The following ADGRL4 variants were observed in gnomAD, a reference collection of about 807,000 sequenced individuals.
ADGRL4 encodes adhesion G protein-coupled receptor L4.
A neutral mutation model predicts 74.8 loss-of-function variants in ADGRL4; 90 were observed. The ratio of observed to expected loss-of-function variants is 1.20; its 90% CI spans 1.02 to 1.43. The LOEUF is 1.43. Ranked by LOEUF, ADGRL4 falls within the 40% of genes most tolerant of loss-of-function variation. The pLI is 0.00. For missense variants in ADGRL4, 881 were observed against 814.3 expected, an observed-to-expected ratio of 1.08 and a Z score of -1.00; for synonymous variants, 311 against 279.2, an observed-to-expected ratio of 1.11 and a Z score of -1.14.
intron 8 of ADGRL4, among the ~76,000 whole-genome samples, chr1:78,926,145 T>C (rs1477104548): frequency 6.6e-6 from 1 of 152,086 alleles, no homozygotes; most frequent in African/African-American, 2.4e-5. Flanking sequence ...TTTCCTCCCA[T>C]AATAATGCAA....
chr1:78,890,949 T>A lies in ADGRL4; in HGVS notation c.*205A>T. 1 of 567,090 alleles carries A rather than the reference T, an allele frequency of 1.8e-6. No homozygotes were observed. Among genetic ancestry groups the A allele is most frequent in the Non-Finnish European group, 3.2e-6 (1 of 315,028 alleles). The allele number at this position is 567,090 out of a possible 1,614,324, so 35.1% of individuals were successfully genotyped here. On this transcript the variant is annotated 3_prime_UTR_variant, in exon 15 of 15. Coordinates refer to ENST00000370742, the MANE Select transcript of ADGRL4 (RefSeq NM_022159.4). ...CTATTTTTGACAGAACTATTTCACA[T>A]AGAAAAACATAGTATATCTATATGA...
chr1:78,908,771 C>A (rs1446796346), intron 12 of ADGRL4, among the ~76,000 whole-genome samples: 1 of 151,912 alleles, frequency 6.6e-6, no homozygotes, highest in Non-Finnish European at 1.5e-5. Flanking sequence ...TTATTTCCAA[C>A]TGGGCTTTAG....
chr1:79,002,999 T>G (rs1650875089), intron 2 of ADGRL4, among the ~76,000 whole-genome samples: 1 of 152,030 alleles, frequency 6.6e-6, no homozygotes, highest in Non-Finnish European at 1.5e-5. Context: ...AGAGACAAAT[T>G]TTATGATAAT....
chr1:78,998,446 T>C (rs368136991), intron 2 of ADGRL4, among the ~76,000 whole-genome samples: 14 of 140,108 alleles, frequency 1.0e-4, no homozygotes, highest in African/African-American at 3.5e-4. Flanking sequence ...CTCGGCTCAC[T>C]GCAACCTCTG....
At chr1:79,001,877 C>T (rs1650851421) in intron 2 of ADGRL4, among the ~76,000 whole-genome samples, 1 of 151,916 alleles carries the variant, frequency 6.6e-6, no homozygotes, top group Non-Finnish European at 1.5e-5. Flanking sequence ...GAGGAAAAAG[C>T]TTGGTCTCTT....
chr1:78,955,880 A>G (rs970100564), intron 2 of ADGRL4, among the ~76,000 whole-genome samples: 1 of 152,122 alleles, frequency 6.6e-6, no homozygotes, highest in Non-Finnish European at 1.5e-5. Flanking sequence ...AGTGCAATAA[A>G]ATATTTTGGA....
chr1:78,973,489 C>T (rs909278682), intron 2 of ADGRL4, among the ~76,000 whole-genome samples: 13 of 151,314 alleles, frequency 8.6e-5, no homozygotes, highest in African/African-American at 2.4e-5. Context: ...AAGTATGATA[C>T]ATTAAAAATA....
chr1:79,001,190 G>GAA lies in ADGRL4; in HGVS notation c.172+3879_172+3880insTT, dbSNP rs1191584745. On this transcript the variant is annotated intron_variant, in intron 2 of 14. Coordinates refer to ENST00000370742, the MANE Select transcript of ADGRL4 (RefSeq NM_022159.4). Reference sequence around the variant, plus strand: ...AGGAAGGGAGAGGGGGGGGAGGGAGGGAGGAAGGAAGGAAGGAAGGGAGGA... The same window carrying GAA: ...AGGAAGGGAGAGGGGGGGGAGGGAGGAAGAGGAAGGAAGGAAGGAAGGGAGGA... 1.7e-4 allele frequency among the ~76,000 whole-genome samples: 17 copies of GAA among 101,104 alleles called. 1 individual carries two copies. The highest frequency in any genetic ancestry group is 6.1e-4 in the African/African-American group (17 of 27,816). The allele number at this position is 101,104 out of a possible 152,430, so 66.3% of individuals were successfully genotyped here.
At chr1:78,994,866 A>C (rs1650682202) in intron 2 of ADGRL4, among the ~76,000 whole-genome samples, 1 of 152,188 alleles carries the variant, frequency 6.6e-6, no homozygotes, top group African/African-American at 2.4e-5. Flanking sequence ...GAATGAATAA[A>C]TGTAGCTTTT....
chr1:78,952,709 G>A (rs1649755024), intron 2 of ADGRL4, among the ~76,000 whole-genome samples: 1 of 152,142 alleles, frequency 6.6e-6, no homozygotes, highest in South Asian at 2.1e-4. Context: ...TCAAATGAAA[G>A]TGTTACAATT....
chr1:78,905,459 T>C (rs1048796060), intron 12 of ADGRL4, among the ~76,000 whole-genome samples: 7 of 152,030 alleles, frequency 4.6e-5, no homozygotes, highest in African/African-American at 1.7e-4. Flanking sequence ...ACAGCTGGGA[T>C]TAGTAAACAT....
At chr1:78,972,217 T>C (rs1361540766) in intron 2 of ADGRL4, among the ~76,000 whole-genome samples, 4 of 152,212 alleles carry the variant, frequency 2.6e-5, no homozygotes, top group Non-Finnish European at 4.4e-5. Flanking sequence ...TCTCTATTCA[T>C]GTAAAACCTG....
chr1:78,917,952 C>T lies in ADGRL4; in HGVS notation c.1560G>A (p.Val520=), dbSNP rs1180739145. Reference sequence around the variant, plus strand: ...AAAATCCCTTGTTGTAGATGACACCCACAACAATGAGATAGAGATGTATGC... The same window carrying T: ...AAAATCCCTTGTTGTAGATGACACCTACAACAATGAGATAGAGATGTATGC... ...IEGIHLYLIV[V]GVIYNKGFLH... is the part of the protein sequence containing the mutation. Residue 520 remains valine, a synonymous_variant, in exon 11 of 15, where the codon GTG becomes GTA. Transcript: ENST00000370742. The T allele has an allele frequency of 3.1e-6, 5 of 1,612,048 alleles. No individual in the cohort carries two copies. In the African/African-American group the frequency reaches 4.0e-5, roughly 13 times the overall value.
intron 2 of ADGRL4, among the ~76,000 whole-genome samples, chr1:78,953,792 A>G (rs1452657507): frequency 1.3e-5 from 2 of 152,216 alleles, no homozygotes; most frequent in Non-Finnish European, 2.9e-5. Context: ...GTGATCATGA[A>G]CACATAACAC....
chr1:78,971,410 A>T (rs1307979487), intron 2 of ADGRL4, among the ~76,000 whole-genome samples: 1 of 152,118 alleles, frequency 6.6e-6, no homozygotes, highest in Non-Finnish European at 1.5e-5. Flanking sequence ...TCCCTGGAAG[A>T]ACCTCAGATG....
At chr1:78,934,157 C>T (rs1312905358) in intron 7 of ADGRL4, among the ~76,000 whole-genome samples, 2 of 152,174 alleles carry the variant, frequency 1.3e-5, no homozygotes, top group East Asian at 3.8e-4. Flanking sequence ...AGGCATCACA[C>T]TACCTGACTT....
Position 78,921,663 on chromosome 1 carries a change from A to G in ADGRL4, c.1207T>C (p.Cys403Arg), listed in dbSNP as rs1234240274. 1.3e-6 allele frequency: 2 copies of G among 1,593,848 alleles called. No individual in the cohort carries two copies. The highest frequency in any genetic ancestry group is 1.1e-5 in the South Asian group (1 of 88,410). Residue 403 changes from cysteine to arginine, a missense_variant, in exon 9 of 15, where the codon TGT becomes CGT. Cys to Arg is a radical substitution (Grantham distance 180, BLOSUM62 -3). Coordinates refer to ENST00000370742, the MANE Select transcript of ADGRL4 (RefSeq NM_022159.4). The part of the protein sequence containing the change: ...YSNETHTSCR[C>R]NHLTHFAILM... ...ATTGCAAAATGTGTCAGGTGATTAC[A>G]GCGGCATGAGGTGTGGGTCTCATTT... is the stretch of plus-strand genomic sequence containing the variant.
chr1:78,893,261 G>A (rs1445850498), intron 12 of ADGRL4, 72 bp from the exon 13 acceptor site: 1 of 894,284 alleles, frequency 1.1e-6, no homozygotes, highest in Non-Finnish European at 1.7e-6. Flanking sequence ...GAAAATAAAT[G>A]GTAAAGATTT....
In ADGRL4 at chr1:78,903,641, G is replaced by A. The variant is rs371294862; in HGVS notation, c.1750-10452C>T. ...TTAACAGTGGAAGTTTAAAAAAAAA[G>A]TCAGGTACTATTGGCCGGGCGCGGT... On this transcript the variant is annotated intron_variant, in intron 12 of 14. Coordinates refer to ENST00000370742, the MANE Select transcript of ADGRL4 (RefSeq NM_022159.4). 1.4e-4 allele frequency among the ~76,000 whole-genome samples: 22 copies of A among 152,032 alleles called. No homozygotes were observed. The South Asian group carries it at 4.6e-3, about 32-fold the overall frequency.
Sources: gnomAD v4.1 joint callset for allele counts (sites outside exome capture counted in the v4.1 genomes callset) on GRCh38, gnomAD v4.1.1 for gene constraint, MANE v1.5 for transcripts, NCBI Gene and HGNC (gene_info 2026-07-23, HGNC 2026-07-21) for gene names.